CFAP69: variants seen among roughly 807,000 people sequenced by gnomAD.
The protein encoded by CFAP69 is cilia and flagella associated protein 69.
Under a neutral mutation model 123.0 loss-of-function variants are expected in CFAP69, and 92 were observed. That is an observed-to-expected ratio of 0.75 (90% CI 0.63 to 0.89). CFAP69 has a LOEUF of 0.89. Among genes scored for constraint, CFAP69 ranks in the 40% least tolerant of loss-of-function variants. The pLI is 0.00. For missense variants in CFAP69, 1,067 were observed against 1,096.9 expected (o/e 0.97, Z 0.39); for synonymous variants, 380 against 364.3 (o/e 1.04, Z -0.49).
At chr7:90,246,377 G>A (rs780732628) in intron 1 of CFAP69, among the ~76,000 whole-genome samples, 1 of 152,174 alleles carries the variant, frequency 6.6e-6, no homozygotes, top group Non-Finnish European at 1.5e-5. Flanking sequence ...CACTAATGGT[G>A]TGGGGCCACT....
chr7:90,292,012 C>T (rs1359286627), intron 15 of CFAP69, among the ~76,000 whole-genome samples: 1 of 152,130 alleles, frequency 6.6e-6, no homozygotes, highest in Non-Finnish European at 1.5e-5. Flanking sequence ...TAGAATCTAA[C>T]AACAGGTGTA....
chr7:90,292,380 A>G (rs1173359629), intron 15 of CFAP69, among the ~76,000 whole-genome samples: 1 of 152,200 alleles, frequency 6.6e-6, no homozygotes. Flanking sequence ...GAGACTGTGT[A>G]GACAAAGTAT....
At chr7:90,287,224 G>A (rs1434430481) in intron 14 of CFAP69, among the ~76,000 whole-genome samples, 1 of 151,980 alleles carries the variant, frequency 6.6e-6, no homozygotes, top group Non-Finnish European at 1.5e-5. Flanking sequence ...TGATAGATAG[G>A]CACTTGGGTT....
At chr7:90,273,811 T>C (rs1800336415) in intron 8 of CFAP69, among the ~76,000 whole-genome samples, 176 bp from the exon 9 acceptor site, 1 of 152,126 alleles carries the variant, frequency 6.6e-6, no homozygotes, top group East Asian at 1.9e-4. Flanking sequence ...AAGACAGCTC[T>C]CTGGAGTCCC....
intron 6 of CFAP69, among the ~76,000 whole-genome samples, chr7:90,269,867 GAGCT>G (rs1437273006): frequency 6.6e-6 from 1 of 152,104 alleles, no homozygotes; most frequent in African/African-American, 2.4e-5. Context: ...GTAGGCAGAG[GAGCT>G]AGAAGCTGGT....
Position 90,310,246 on chromosome 7 carries a change from T to C in CFAP69, c.*8T>C. The C allele has an allele frequency of 6.3e-7, 1 of 1,581,128 alleles. No individual in the cohort carries two copies. Among genetic ancestry groups the C allele is most frequent in the Non-Finnish European group, 8.6e-7 (1 of 1,161,848 alleles). On this transcript the variant is annotated 3_prime_UTR_variant, in exon 23 of 23. Transcript: ENST00000389297. ...AAGAGTATTCCTACGTAATATACTA[T>C]AGAGACTTTTTGAAATAAAGTCAGC...
At chr7:90,319,662 T>A in the CFAP69 span, 1 of 398,596 alleles carries the variant, frequency 2.5e-6, no homozygotes, top group Non-Finnish European at 4.4e-6. Flanking sequence ...GCACTCCTTT[T>A]TGAAACTCAA....
At chr7:90,267,221 G>T (rs1799270095) in intron 5 of CFAP69, among the ~76,000 whole-genome samples, 1 of 152,162 alleles carries the variant, frequency 6.6e-6, no homozygotes, top group African/African-American at 2.4e-5. Flanking sequence ...CTTTTGCAGA[G>T]ATTCTCCTGA....
intron 16 of CFAP69, 90 bp from the exon 17 acceptor site, chr7:90,299,771 TTAATGA>T: frequency 9.8e-7 from 1 of 1,021,876 alleles, no homozygotes; most frequent in East Asian, 2.8e-5. Flanking sequence ...TAGAAGAAAC[TTAATGA>T]TAATAGAAGT....
chr7:90,279,935 A>G (rs1012479994), intron 12 of CFAP69, 42 bp downstream of exon 12: 21 of 1,453,666 alleles, frequency 1.4e-5, no homozygotes, highest in Non-Finnish European at 1.9e-5. Flanking sequence ...TCTAATCTTC[A>G]TATTTCAACT....
rs1160564087 is a variant in CFAP69, at chr7:90,258,142, A to T, written c.225A>T (p.Val75=). Residue 75 remains valine (V), a synonymous_variant, in exon 3 of 23, where the codon GTA becomes GTT. Coordinates refer to ENST00000389297, the MANE Select transcript of CFAP69 (RefSeq NM_001039706.3). ...EKQLKFVKKL[V]QCYQNGLPLR... is the part of the protein sequence containing the mutation. Reference sequence around the variant, plus strand: ...AACTTAAATTTGTCAAGAAACTGGTACAGTGTTATCAGAATGGACTTGTAT... The same window carrying T: ...AACTTAAATTTGTCAAGAAACTGGTTCAGTGTTATCAGAATGGACTTGTAT... 2 of 1,609,722 alleles carry T rather than the reference A, an allele frequency of 1.2e-6. No homozygotes were observed. The highest frequency in any genetic ancestry group is 1.7e-6 in the Non-Finnish European group (2 of 1,177,492).
intron 15 of CFAP69, among the ~76,000 whole-genome samples, chr7:90,295,630 C>T (rs909923703): frequency 6.6e-6 from 1 of 152,134 alleles, no homozygotes; most frequent in Non-Finnish European, 1.5e-5. Context: ...GGGTCCCAAT[C>T]CAGACCCCAA....
intron 15 of CFAP69, among the ~76,000 whole-genome samples, chr7:90,292,763 A>G (rs1272200619): frequency 6.6e-6 from 1 of 152,124 alleles, no homozygotes; most frequent in Non-Finnish European, 1.5e-5. Context: ...ATGATTTTAG[A>G]CTTCTGTTAG....
chr7:90,286,208 T>C (rs1015162863), intron 13 of CFAP69, 73 bp from the exon 14 acceptor site: 1 of 1,285,990 alleles, frequency 7.8e-7, no homozygotes, highest in African/African-American at 1.5e-5. Context: ...TTAGAAGAGA[T>C]TTCCAAACAG....
chr7:90,250,235 A>AGAGAGG (rs1267005649), intron 1 of CFAP69, among the ~76,000 whole-genome samples: 1 of 134,268 alleles, frequency 7.4e-6, no homozygotes. Context: ...AGAGAGAGAG[A>AGAGAGG]CTCCTTGGTT....
chr7:90,281,554 G>GA (rs1448610525), intron 12 of CFAP69, among the ~76,000 whole-genome samples: 1 of 151,856 alleles, frequency 6.6e-6, no homozygotes, highest in Non-Finnish European at 1.5e-5. Context: ...TCCTCCATGT[G>GA]AAAAAATAAA....
chr7:90,276,842 GA>G (rs139368879), intron 9 of CFAP69, among the ~76,000 whole-genome samples: 2,998 of 152,124 alleles, frequency 0.02, 98 homozygotes, highest in East Asian at 0.11. Context: ...AGAACCTACA[GA>G]AGTAAGTTTA....
the CFAP69 span, among the ~76,000 whole-genome samples, chr7:90,323,572 GA>G: frequency 7.9e-5 from 12 of 151,966 alleles, no homozygotes; most frequent in African/African-American, 2.9e-4. Flanking sequence ...GAACCAGGGA[GA>G]AAAACAGATT....
the CFAP69 span, chr7:90,318,773 T>G: frequency 6.6e-6 from 1 of 152,104 alleles, no homozygotes; most frequent in Non-Finnish European, 1.5e-5. Context: ...CGTTTATCAG[T>G]ATTAAATAAT....
Sources: gnomAD v4.1 joint callset for allele counts (sites outside exome capture counted in the v4.1 genomes callset) on GRCh38, gnomAD v4.1.1 for gene constraint, MANE v1.5 for transcripts, NCBI Gene and HGNC (gene_info 2026-07-23, HGNC 2026-07-21) for gene names.